RPS6KC1: variants seen among roughly 807,000 people sequenced by gnomAD.
RPS6KC1 encodes the protein inactive ribosomal protein S6 kinase delta-1.
Under a neutral mutation model 103.8 loss-of-function variants are expected in RPS6KC1, and 54 were observed. That is an observed-to-expected ratio of 0.52 (90% CI 0.42 to 0.65). The LOEUF is 0.65. Ranked by LOEUF, RPS6KC1 falls within the 30% of genes least tolerant of loss-of-function variation. The pLI is 0.00. For missense variants in RPS6KC1, 1,151 were observed against 1,253.8 expected, an observed-to-expected ratio of 0.92 and a Z score of 1.24; for synonymous variants, 439 against 438.7, an observed-to-expected ratio of 1.00 and a Z score of -0.01.
intron 6 of RPS6KC1, among the ~76,000 whole-genome samples, chr1:213,149,434 C>T (rs2088343455): frequency 6.6e-6 from 1 of 152,142 alleles, no homozygotes; most frequent in Admixed American, 6.5e-5. Flanking sequence ...TGTTTAATTT[C>T]CGTGTATTTC....
chr1:213,144,356 G>T (rs2087460851), intron 6 of RPS6KC1, among the ~76,000 whole-genome samples: 2 of 151,990 alleles, frequency 1.3e-5, no homozygotes, highest in Admixed American at 1.3e-4. Flanking sequence ...GCTCACTGCA[G>T]CATCAAACTC....
chr1:213,636,051 C>A, the RPS6KC1 span, among the ~76,000 whole-genome samples: 4 of 152,232 alleles, frequency 2.6e-5, no homozygotes, highest in East Asian at 1.9e-4. Flanking sequence ...CCTAGGAATA[C>A]AATTTACAAG....
chr1:213,573,844 C>T, the RPS6KC1 span, among the ~76,000 whole-genome samples: 1 of 152,190 alleles, frequency 6.6e-6, no homozygotes, highest in African/African-American at 2.4e-5. Context: ...ATGCCACAAA[C>T]TCTAGCTTGC....
the RPS6KC1 span, among the ~76,000 whole-genome samples, chr1:213,812,256 G>C: frequency 6.6e-6 from 1 of 152,080 alleles, no homozygotes; most frequent in Non-Finnish European, 1.5e-5. Context: ...AAGGAAGAAA[G>C]ACAGGCTTCA....
At chr1:213,492,020 G>T in the RPS6KC1 span, among the ~76,000 whole-genome samples, 1 of 152,138 alleles carries the variant, frequency 6.6e-6, no homozygotes, top group South Asian at 2.1e-4. Context: ...CTTCTCTTCA[G>T]CCCACTGTCA....
the RPS6KC1 span, among the ~76,000 whole-genome samples, chr1:213,382,974 G>A: frequency 2.0e-5 from 3 of 152,162 alleles, no homozygotes; most frequent in Non-Finnish European, 4.4e-5. Context: ...ATCGAATAAC[G>A]GATTGGCCAG....
chr1:213,294,687 G>C, the RPS6KC1 span, among the ~76,000 whole-genome samples: 1 of 152,158 alleles, frequency 6.6e-6, no homozygotes, highest in East Asian at 1.9e-4. Flanking sequence ...AACCCAAAGA[G>C]AAGAGAAGTT....
At chr1:213,657,504 T>C in the RPS6KC1 span, among the ~76,000 whole-genome samples, 1 of 152,120 alleles carries the variant, frequency 6.6e-6, no homozygotes, top group African/African-American at 2.4e-5. Context: ...GGGGGACAAA[T>C]GTTAGAAGCA....
the RPS6KC1 span, among the ~76,000 whole-genome samples, chr1:213,433,144 C>G: frequency 6.6e-6 from 1 of 152,146 alleles, no homozygotes; most frequent in Non-Finnish European, 1.5e-5. Flanking sequence ...TTTCCAGTTT[C>G]TAGAGGTTAA....
intron 14 of RPS6KC1, among the ~76,000 whole-genome samples, chr1:213,264,905 C>T (rs2149127984): frequency 6.6e-6 from 1 of 152,156 alleles, no homozygotes; most frequent in African/African-American, 2.4e-5. Flanking sequence ...GTTATCTGTC[C>T]AAGTCAAGCA....
the RPS6KC1 span, among the ~76,000 whole-genome samples, chr1:213,470,039 C>G: frequency 0.014 from 2,163 of 152,184 alleles, 55 homozygotes; most frequent in African/African-American, 0.05. Flanking sequence ...GTCTCTAAAG[C>G]AAAACAAAAG....
At chr1:213,192,629 A>C (rs2092789927) in intron 8 of RPS6KC1, among the ~76,000 whole-genome samples, 1 of 152,040 alleles carries the variant, frequency 6.6e-6, no homozygotes, top group African/African-American at 2.4e-5. Flanking sequence ...GAGGTTTGTC[A>C]ATCTTGTTTA....
At chr1:213,438,792 CTT>C in the RPS6KC1 span, among the ~76,000 whole-genome samples, 8 of 129,704 alleles carry the variant, frequency 6.2e-5, no homozygotes, top group Middle Eastern at 4.2e-3. Flanking sequence ...ATCTTGGTTT[CTT>C]TTTTTTTTTT....
intron 8 of RPS6KC1, among the ~76,000 whole-genome samples, chr1:213,216,568 A>AT (rs1266255315): frequency 5.9e-5 from 9 of 152,232 alleles, no homozygotes; most frequent in African/African-American, 2.2e-4. Flanking sequence ...CAGAATATAC[A>AT]TTTTTTTCAG....
In RPS6KC1 at chr1:213,262,791, A is replaced by G. The variant is rs1048776820; in HGVS notation, c.3065A>G (p.Glu1022Gly). 1 of 1,611,678 alleles carries G rather than the reference A, an allele frequency of 6.2e-7. No individual in the cohort carries two copies. Among genetic ancestry groups the G allele is most frequent in the East Asian group, 2.2e-5 (1 of 44,868 alleles). Residue 1022 changes from glutamate (E) to glycine (G), a missense_variant, in exon 14 of 15, where the codon GAA becomes GGA. By Grantham distance (98) the Glu-to-Gly change is moderately conservative (BLOSUM62 -2). Transcript: ENST00000366960. ...TTLNMPECVS[E>G]EARSLIQQLL... ...TTGAACATGCCAGAATGTGTCTCTG[A>G]AGAGGCTCGCTCACTCATTCAACAG... is the stretch of plus-strand genomic sequence containing the variant.
the RPS6KC1 span, among the ~76,000 whole-genome samples, chr1:213,581,874 C>T: frequency 2.0e-5 from 3 of 151,918 alleles, no homozygotes; most frequent in African/African-American, 4.8e-5. Context: ...GTTTTTCCAC[C>T]TTTCTCCTGA....
chr1:213,389,516 G>A, the RPS6KC1 span, among the ~76,000 whole-genome samples: 2 of 152,194 alleles, frequency 1.3e-5, no homozygotes, highest in East Asian at 3.9e-4. Context: ...GTGCACATGC[G>A]TGTGGACATG....
chr1:213,413,687 G>T, the RPS6KC1 span, among the ~76,000 whole-genome samples: 1 of 152,216 alleles, frequency 6.6e-6, no homozygotes, highest in Admixed American at 6.5e-5. Flanking sequence ...AGAGTGCAAA[G>T]CAGAAGGTGG....
the RPS6KC1 span, among the ~76,000 whole-genome samples, chr1:213,677,281 T>C: frequency 2.7e-4 from 41 of 152,260 alleles, no homozygotes; most frequent in Non-Finnish European, 4.7e-4. Context: ...AAACTTAGAA[T>C]GTGACAGCTG....
Sources: allele counts gnomAD v4.1 joint callset (sites outside exome capture counted in the v4.1 genomes callset), GRCh38; gene constraint gnomAD v4.1.1; transcripts MANE v1.5; gene names NCBI Gene and HGNC (gene_info 2026-07-23, HGNC 2026-07-21).